The following IL31RA variants were observed in gnomAD, a reference collection of about 807,000 sequenced individuals.
IL31RA encodes the protein interleukin-31 receptor subunit alpha.
Under a neutral mutation model 83.7 loss-of-function variants are expected in IL31RA, and 66 were observed. The observed-to-expected ratio is 0.79, with a 90% CI of 0.65 to 0.97. The LOEUF (loss-of-function observed/expected upper bound fraction) is 0.97, where lower values mean the gene tolerates loss of function less well. Among genes scored for constraint, IL31RA ranks in the 50% least tolerant of loss-of-function variants. The pLI is 0.00. For synonymous variants in IL31RA, 325 were observed against 329.0 expected, an observed-to-expected ratio of 0.99 and a Z score of 0.13; for missense variants, 798 against 919.4, an observed-to-expected ratio of 0.87 and a Z score of 1.71.
chr5:55,841,688 T>A, the IL31RA span, among the ~76,000 whole-genome samples: 2 of 152,206 alleles, frequency 1.3e-5, no homozygotes, highest in Non-Finnish European at 2.9e-5. Flanking sequence ...TGACTTTGTT[T>A]CACATTCCCA....
At chr5:55,907,254 G>T in intron 9 of IL31RA, 105 bp from the exon 10 acceptor site, 1 of 730,130 alleles carries the variant, frequency 1.4e-6, no homozygotes, top group South Asian at 1.5e-5. Context: ...AAACTGTAGA[G>T]AAATGGAATA....
At chr5:55,868,985 C>A in intron 3 of IL31RA, 77 bp downstream of exon 3, 3 of 872,802 alleles carry the variant, frequency 3.4e-6, no homozygotes, top group Non-Finnish European at 5.9e-6. Flanking sequence ...TGATTCACAT[C>A]CCATATGAAG....
chr5:55,904,411 G>A (rs1481631893), intron 8 of IL31RA, among the ~76,000 whole-genome samples: 1 of 152,178 alleles, frequency 6.6e-6, no homozygotes, highest in African/African-American at 2.4e-5. Flanking sequence ...GGCTCCAGCA[G>A]GGACTTTCAG....
At chr5:55,890,520 C>T (rs771693011) in intron 6 of IL31RA, among the ~76,000 whole-genome samples, 2 of 152,238 alleles carry the variant, frequency 1.3e-5, no homozygotes, top group South Asian at 2.1e-4. Flanking sequence ...CAGGGGCCCA[C>T]GACCATGCCC....
intron 1 of IL31RA, among the ~76,000 whole-genome samples, chr5:55,858,562 A>G (rs1200370313): frequency 6.6e-6 from 1 of 151,708 alleles, no homozygotes; most frequent in African/African-American, 2.4e-5. Flanking sequence ...TATCCCTCTA[A>G]TTTTCTCCAG....
chr5:55,909,043 C>A, intron 11 of IL31RA: 1 of 277,694 alleles, frequency 3.6e-6, no homozygotes, highest in Non-Finnish European at 5.6e-6. Context: ...ATTAGTCACT[C>A]CCCATTCCTC....
At chr5:55,840,580 A>T in the IL31RA span, among the ~76,000 whole-genome samples, 1 of 152,208 alleles carries the variant, frequency 6.6e-6, no homozygotes, top group African/African-American at 2.4e-5. Flanking sequence ...TCCTGCCTTC[A>T]TGGGTTGGGA....
chr5:55,879,525 C>G (rs1267754161), intron 4 of IL31RA, among the ~76,000 whole-genome samples: 1 of 148,412 alleles, frequency 6.7e-6, no homozygotes, highest in East Asian at 2.0e-4. Flanking sequence ...CTCCGCCTCC[C>G]AGGTTCAAGC....
chr5:55,867,412 A>G (rs1221019657), intron 2 of IL31RA, among the ~76,000 whole-genome samples: 2 of 152,130 alleles, frequency 1.3e-5, no homozygotes, highest in African/African-American at 4.8e-5. Flanking sequence ...TAAATGCACA[A>G]ATAAAATAAA....
chr5:55,917,183 C>G lies in IL31RA; in HGVS notation c.*63C>G. The G allele has an allele frequency of 6.2e-7, 1 of 1,610,496 alleles. No individual in the cohort carries two copies. The highest frequency in any genetic ancestry group is 1.1e-5 in the South Asian group (1 of 90,668). ...GGATGGCCCTTGCCAGAGAAGATGT[C>G]AAGACTCGGCACGCAGCGCTTGCTT... On this transcript the variant is annotated 3_prime_UTR_variant, in exon 15 of 15. Transcript: ENST00000652347.
intron 5 of IL31RA, among the ~76,000 whole-genome samples, chr5:55,888,589 C>T (rs986975614): frequency 8.5e-5 from 13 of 152,310 alleles, no homozygotes; most frequent in East Asian, 5.8e-4. Context: ...CTTACACTTG[C>T]TGTATGGATT....
chr5:55,849,345 T>A (rs1745001144), upstream of IL31RA, among the ~76,000 whole-genome samples: 1 of 152,114 alleles, frequency 6.6e-6, no homozygotes, highest in Non-Finnish European at 1.5e-5. Flanking sequence ...GACTGAAGTC[T>A]CTTACCAATT....
intron 2 of IL31RA, among the ~76,000 whole-genome samples, chr5:55,863,843 T>G (rs1018223817): frequency 3.3e-5 from 5 of 152,226 alleles, no homozygotes; most frequent in African/African-American, 1.2e-4. Flanking sequence ...TATTTAACTC[T>G]CTTTTTAGCT....
At chr5:55,851,939 C>A (rs558856985) in intron 1 of IL31RA, among the ~76,000 whole-genome samples, 1 of 152,212 alleles carries the variant, frequency 6.6e-6, no homozygotes, top group East Asian at 1.9e-4. Flanking sequence ...GGTTCTATAT[C>A]TTTGCCATAA....
At chr5:55,912,588 G>T (rs1396284352) in intron 12 of IL31RA, among the ~76,000 whole-genome samples, 1 of 152,200 alleles carries the variant, frequency 6.6e-6, no homozygotes, top group Non-Finnish European at 1.5e-5. Context: ...CTCAAGGCCA[G>T]GAGTTCAAGA....
chr5:55,891,208 G>C (rs1158876072), intron 6 of IL31RA, among the ~76,000 whole-genome samples: 1 of 152,144 alleles, frequency 6.6e-6, no homozygotes, highest in Non-Finnish European at 1.5e-5. Context: ...GAGTTTCAGA[G>C]ATGCTAATAA....
chr5:55,913,711 G>C (rs547398218), intron 13 of IL31RA, 141 bp downstream of exon 13: 1 of 713,064 alleles, frequency 1.4e-6, no homozygotes, highest in Admixed American at 2.0e-5. Context: ...ATTTATTGAG[G>C]TTATTAAAGG....
Position 55,908,336 on chromosome 5 carries a change from A to G in IL31RA, c.1426A>G (p.Ile476Val), listed in dbSNP as rs1291983243. 8.7e-6 allele frequency: 14 copies of G among 1,614,092 alleles called. No homozygotes were observed. The highest frequency in any genetic ancestry group is 1.2e-5 in the Non-Finnish European group (14 of 1,180,046). The change falls in exon 11 of 15, where the codon ATT becomes GTT. Residue 476 changes from isoleucine to valine, a missense_variant. Physicochemically the swap from Ile to Val is conservative, Grantham distance 29. Transcript: ENST00000652347. ...GACGGTCACGATCACATGGAAAGAG[A>G]TTCCCAAGAGTGAGAGAAAGGGTAT... is the stretch of plus-strand genomic sequence containing the variant. Reference protein sequence around the residue: ...VKTVTITWKEIPKSERKGIIC... With the variant: ...VKTVTITWKEVPKSERKGIIC...
intron 4 of IL31RA, among the ~76,000 whole-genome samples, chr5:55,882,569 A>G (rs1391638831): frequency 2.0e-5 from 3 of 152,220 alleles, no homozygotes; most frequent in Non-Finnish European, 2.9e-5. Context: ...CATATGCTAC[A>G]TTTATAACTA....
Sources: gnomAD v4.1 joint callset for allele counts (sites outside exome capture counted in the v4.1 genomes callset) on GRCh38, gnomAD v4.1.1 for gene constraint, MANE v1.5 for transcripts, NCBI Gene and HGNC (gene_info 2026-07-23, HGNC 2026-07-21) for gene names.